SGSM1: variants seen among roughly 807,000 people sequenced by gnomAD.
SGSM1 encodes the protein RUN and TBC1 domain containing 2.
SGSM1 carries 73 observed loss-of-function variants against 133.8 expected under a neutral mutation model. The ratio of observed to expected loss-of-function variants is 0.55; its 90% CI spans 0.45 to 0.66. The LOEUF is 0.66. Among genes scored for constraint, SGSM1 ranks in the 30% least tolerant of loss-of-function variants. The probability of loss-of-function intolerance (pLI) is 0.00; values close to 1 mark genes in which losing one functional copy is unlikely to be tolerated. For synonymous variants in SGSM1, 563 were observed against 573.0 expected, an observed-to-expected ratio of 0.98 and a Z score of 0.25; for missense variants, 1,213 against 1,448.1, an observed-to-expected ratio of 0.84 and a Z score of 2.64.
At chr22:24,836,402 T>C (rs1461943324) in intron 2 of SGSM1, among the ~76,000 whole-genome samples, 1 of 152,248 alleles carries the variant, frequency 6.6e-6, no homozygotes, top group Non-Finnish European at 1.5e-5. Flanking sequence ...TGAATAATAG[T>C]GCTGTGAACA....
At position 24,853,609 on chromosome 22, in the gene SGSM1, ACTT is replaced by A. The variant is rs762612368; in HGVS notation, c.456-1383_456-1381del. Among the ~76,000 whole-genome samples, 97 of 148,086 alleles carry A rather than the reference ACTT, an allele frequency of 6.6e-4. 4 individuals carry two copies. The highest frequency in any genetic ancestry group is 4.5e-3 in the Admixed American group (67 of 14,992). ...AGAATCATGGCAGGAGGCAAAAGGC[ACTT>A]CTTTTTTTTTTTGAGATGGAGTCTT... is the stretch of plus-strand genomic sequence containing the variant. On this transcript the variant is annotated intron_variant, in intron 5 of 24. Transcript: ENST00000400358.
chr22:24,820,111 T>C (rs1160282962), intron 2 of SGSM1, among the ~76,000 whole-genome samples: 1 of 152,126 alleles, frequency 6.6e-6, no homozygotes, highest in Non-Finnish European at 1.5e-5. Context: ...ACGTGCAGGC[T>C]GGCTTCTCTG....
chr22:24,901,778 A>C, intron 19 of SGSM1, 55 bp from the exon 20 acceptor site: 1 of 1,588,182 alleles, frequency 6.3e-7, no homozygotes, highest in Non-Finnish European at 8.6e-7. Context: ...TCCAGTGGGG[A>C]CTTAGATGTG....
chr22:24,882,884 C>T (rs532185933), intron 14 of SGSM1, among the ~76,000 whole-genome samples: 2 of 149,888 alleles, frequency 1.3e-5, no homozygotes, highest in South Asian at 4.2e-4. Context: ...TTGTATACCA[C>T]GGTTTCTTTT....
At chr22:24,844,833 A>C in intron 2 of SGSM1, 64 bp from the exon 3 acceptor site, 2 of 1,517,206 alleles carry the variant, frequency 1.3e-6, no homozygotes, top group Non-Finnish European at 1.8e-6. Flanking sequence ...CTTTTGGGGC[A>C]CCTATACCCA....
intron 21 of SGSM1, among the ~76,000 whole-genome samples, chr22:24,910,024 A>G (rs1259667965): frequency 6.6e-6 from 1 of 152,252 alleles, no homozygotes; most frequent in Non-Finnish European, 1.5e-5. Flanking sequence ...AAAAAGGATG[A>G]TGTTCTGATG....
intron 2 of SGSM1, among the ~76,000 whole-genome samples, chr22:24,841,080 G>T (rs1929776196): frequency 6.6e-6 from 1 of 151,668 alleles, no homozygotes. Flanking sequence ...TCGATCTCCT[G>T]ACCTTGTGAT....
Position 24,878,007 on chromosome 22 carries a change from C to T in SGSM1, c.1430+1292C>T, listed in dbSNP as rs188611195. Among the ~76,000 whole-genome samples, 340 of 151,872 alleles carry T rather than the reference C, an allele frequency of 2.2e-3. 1 individual carries two copies. The highest frequency in any genetic ancestry group is 7.6e-3 in the African/African-American group (315 of 41,432). On this transcript the variant is annotated intron_variant, in intron 13 of 24. Transcript: ENST00000400358. ...TGTGTTTTTAGTAGAGATGGGGTTT[C>T]ACTATGTTGGCCAGTCTGCTCTCGA...
At chr22:24,910,812 G>A (rs1417198851) in intron 21 of SGSM1, among the ~76,000 whole-genome samples, 1 of 152,112 alleles carries the variant, frequency 6.6e-6, no homozygotes, top group African/African-American at 2.4e-5. Flanking sequence ...AGGCATTGTG[G>A]TGGGGACTTG....
At chr22:24,806,527 G>A in intron 2 of SGSM1, 43 bp downstream of exon 2, 2 of 1,486,330 alleles carry the variant, frequency 1.3e-6, no homozygotes, top group Non-Finnish European at 8.9e-7. Context: ...TCCCCCGGCA[G>A]CAGCGGCCAA....
chr22:24,828,464 A>T (rs1296665059), intron 2 of SGSM1, among the ~76,000 whole-genome samples: 1 of 152,228 alleles, frequency 6.6e-6, no homozygotes, highest in Non-Finnish European at 1.5e-5. Context: ...ATGAACAGAC[A>T]CTTCGCTAAA....
intron 2 of SGSM1, among the ~76,000 whole-genome samples, chr22:24,826,402 C>G (rs1163814512): frequency 6.6e-6 from 1 of 152,146 alleles, no homozygotes; most frequent in African/African-American, 2.4e-5. Flanking sequence ...TTTTCTGATC[C>G]CAGCTTTAAA....
intron 8 of SGSM1, among the ~76,000 whole-genome samples, chr22:24,856,537 C>T (rs550849081): frequency 3.9e-4 from 60 of 152,252 alleles, no homozygotes; most frequent in Admixed American, 7.2e-4. Flanking sequence ...CTTTCGCTGT[C>T]CCCTCACCAG....
Position 24,912,704 on chromosome 22 carries a change from C to A in SGSM1, c.2880C>A (p.His960Gln). The A allele has an allele frequency of 6.2e-7, 1 of 1,613,770 alleles. No homozygotes were observed. ...AGAGGATGAACCAGAACTTCCCCCA[C>A]GGAGGCGCCATGGACACGCACTTTG... ...LMKRMNQNFP[H>Q]GGAMDTHFAN... The change falls in exon 22 of 25, where the codon CAC (histidine) becomes CAA (glutamine). Residue 960 changes from histidine to glutamine, a missense_variant. Transcript: ENST00000400358.
intron 22 of SGSM1, among the ~76,000 whole-genome samples, chr22:24,917,168 C>T (rs1335094576): frequency 1.3e-5 from 2 of 151,580 alleles, no homozygotes; most frequent in Non-Finnish European, 1.5e-5. Context: ...GCTGAGCCAC[C>T]ACACCTGACC....
At chr22:24,850,669 C>G (rs1453480309) in intron 5 of SGSM1, among the ~76,000 whole-genome samples, 1 of 152,190 alleles carries the variant, frequency 6.6e-6, no homozygotes, top group Non-Finnish European at 1.5e-5. Flanking sequence ...GTGGATTACT[C>G]CATTCAATAA....
chr22:24,905,261 C>T (rs1933331251), intron 21 of SGSM1, 74 bp downstream of exon 21: 4 of 1,395,354 alleles, frequency 2.9e-6, no homozygotes, highest in East Asian at 2.3e-5. Context: ...CTTAATCTCA[C>T]TTTGTGACTC....
At chr22:24,908,399 A>G (rs1933485995) in intron 21 of SGSM1, among the ~76,000 whole-genome samples, 1 of 152,242 alleles carries the variant, frequency 6.6e-6, no homozygotes, top group African/African-American at 2.4e-5. Flanking sequence ...AAAGAACACC[A>G]TCAAGAAAGT....
intron 18 of SGSM1, 107 bp from the exon 19 acceptor site, chr22:24,897,865 G>A: frequency 1.0e-6 from 1 of 973,166 alleles, no homozygotes; most frequent in Non-Finnish European, 1.5e-6. Flanking sequence ...CTGCATGCTT[G>A]ATCCATATTT....
Sources: allele counts gnomAD v4.1 joint callset (sites outside exome capture counted in the v4.1 genomes callset), GRCh38; gene constraint gnomAD v4.1.1; transcripts MANE v1.5; gene names NCBI Gene and HGNC (gene_info 2026-07-23, HGNC 2026-07-21).